Variants in AK9 observed in about 807,000 individuals in gnomAD.
AK9 encodes the protein adenylate kinase 9.
A neutral mutation model predicts 239.6 loss-of-function variants in AK9; 191 were observed. The observed-to-expected ratio is 0.80, with a 90% CI of 0.71 to 0.90. The LOEUF (loss-of-function observed/expected upper bound fraction) is 0.90, where lower values mean the gene tolerates loss of function less well. Ranked by LOEUF, AK9 falls within the 40% of genes least tolerant of loss-of-function variation. The pLI is 0.00. For missense variants in AK9, 1,995 were observed against 2,214.7 expected, an observed-to-expected ratio of 0.90 and a Z score of 1.99; for synonymous variants, 689 against 721.0, an observed-to-expected ratio of 0.96 and a Z score of 0.71.
In AK9 at chr6:109,585,192, A is replaced by G; in HGVS notation, c.2045T>C (p.Ile682Thr). 1 of 1,025,460 alleles carries G rather than the reference A, an allele frequency of 9.8e-7. No homozygotes were observed. The highest frequency in any genetic ancestry group is 1.3e-6 in the Non-Finnish European group (1 of 781,106). 63.5% of individuals were successfully genotyped at this position (1,025,460 alleles called of 1,614,324 possible). ...TAATCTTTCTAAAATCTTAGAGTCA[A>G]TTTCAGATTTCTTCTGTAAATATAT... The part of the protein sequence containing the change: ...NRIYLQKKSE[I>T]DSKILERLLE... Residue 682 changes from isoleucine (I) to threonine (T), a missense_variant, in exon 19 of 41, where the codon ATT (isoleucine) becomes ACT (threonine). Around this residue, in one of 5 missense-constraint regions of AK9, gnomAD observed 1,290 missense variants for 1,392.7 expected, o/e 0.93. Coordinates refer to ENST00000424296, the MANE Select transcript of AK9 (RefSeq NM_001145128.3).
At chr6:109,587,620 CTGAGT>C (rs1789680370) in intron 17 of AK9, among the ~76,000 whole-genome samples, 1 of 152,090 alleles carries the variant, frequency 6.6e-6, no homozygotes, top group African/African-American at 2.4e-5. Flanking sequence ...CTTTCTGTGT[CTGAGT>C]TGTTTCACTT....
At chr6:109,637,560 C>T (rs1290127320) in intron 10 of AK9, among the ~76,000 whole-genome samples, 1 of 152,012 alleles carries the variant, frequency 6.6e-6, no homozygotes, top group Non-Finnish European at 1.5e-5. Context: ...GTAGTCTCTG[C>T]CTTTGATGTC....
intron 20 of AK9, among the ~76,000 whole-genome samples, chr6:109,575,065 T>G (rs1251750681): frequency 6.6e-6 from 1 of 152,220 alleles, no homozygotes; most frequent in Non-Finnish European, 1.5e-5. Context: ...TCAGTAGTAT[T>G]CCATGGAATA....
At chr6:109,505,370 T>C (rs560561079) in intron 35 of AK9, among the ~76,000 whole-genome samples, 1 of 152,348 alleles carries the variant, frequency 6.6e-6, no homozygotes, top group South Asian at 2.1e-4. Context: ...TCACTCTTTT[T>C]AGAGATATCA....
intron 29 of AK9, among the ~76,000 whole-genome samples, chr6:109,521,595 C>A (rs1405362165): frequency 6.6e-6 from 1 of 151,946 alleles, no homozygotes; most frequent in African/African-American, 2.4e-5. Context: ...GAAATTGATT[C>A]TAAAAATTAA....
At chr6:109,648,809 T>G (rs923377455) in intron 8 of AK9, among the ~76,000 whole-genome samples, 1 of 152,180 alleles carries the variant, frequency 6.6e-6, no homozygotes, top group Non-Finnish European at 1.5e-5. Flanking sequence ...TTTAGACCAA[T>G]ATCCTTGATG....
At chr6:109,577,296 G>A (rs1389410321) in intron 20 of AK9, among the ~76,000 whole-genome samples, 2 of 152,112 alleles carry the variant, frequency 1.3e-5, no homozygotes, top group African/African-American at 4.8e-5. Context: ...CACATTTATT[G>A]ACTTGTGTAT....
intron 9 of AK9, 109 bp from the exon 10 acceptor site, chr6:109,641,725 C>T (rs1009463311): frequency 3.3e-5 from 30 of 896,860 alleles, no homozygotes; most frequent in Non-Finnish European, 2.9e-5. Flanking sequence ...GACTCTGGGT[C>T]GAATCCTTGC....
At chr6:109,547,527 C>G (rs1466823734) in intron 25 of AK9, among the ~76,000 whole-genome samples, 1 of 151,990 alleles carries the variant, frequency 6.6e-6, no homozygotes, top group Non-Finnish European at 1.5e-5. Context: ...CATCTTTCAC[C>G]TATACAGAAA....
At chr6:109,636,324 GTTCTCTTC>G (rs1796705023) in intron 10 of AK9, among the ~76,000 whole-genome samples, 1 of 151,990 alleles carries the variant, frequency 6.6e-6, no homozygotes, top group Non-Finnish European at 1.5e-5. Flanking sequence ...TAAACCAGTG[GTTCTCTTC>G]CTGAGCTGCA....
chr6:109,507,352 A>G (rs1778215932), intron 33 of AK9, among the ~76,000 whole-genome samples: 1 of 152,090 alleles, frequency 6.6e-6, no homozygotes, highest in Non-Finnish European at 1.5e-5. Context: ...TGGAAAAAAA[A>G]AAAGTGTGCT....
intron 9 of AK9, among the ~76,000 whole-genome samples, chr6:109,644,138 T>C (rs1346955837): frequency 6.6e-6 from 1 of 152,250 alleles, no homozygotes; most frequent in Admixed American, 6.5e-5. Context: ...AGACACTTAT[T>C]TGACATTTAA....
intron 17 of AK9, among the ~76,000 whole-genome samples, chr6:109,603,192 T>TCTTTGTG (rs1222225376): frequency 1.3e-5 from 2 of 152,166 alleles, no homozygotes; most frequent in Non-Finnish European, 2.9e-5. Context: ...TTTTTCCCCA[T>TCTTTGTG]CTTTGTGGTT....
rs780055380 is a variant in AK9 at position 109,529,070 on chromosome 6, C to T, written c.3574G>A (p.Asp1192Asn). Residue 1192 changes from aspartate to asparagine, a missense_variant, in exon 29 of 41, where the codon GAT becomes AAT. Around this residue, in one of 5 missense-constraint regions of AK9, gnomAD observed 1,290 missense variants for 1,392.7 expected, o/e 0.93. Transcript: ENST00000424296. Reference protein sequence around the residue: ...IKDMKAKIRVDTIAKRRAELI... With the variant: ...IKDMKAKIRVNTIAKRRAELI... The stretch of plus-strand genomic sequence containing the variant: ...TCAGCCCTTCTTTTAGCAATCGTAT[C>T]AACCTGTTAAAGAAAGAGACATTAA... 3 of 1,570,232 alleles carry T rather than the reference C, an allele frequency of 1.9e-6. No homozygotes were observed. Among genetic ancestry groups the T allele is most frequent in the Non-Finnish European group, 2.6e-6 (3 of 1,166,346 alleles).
At chr6:109,678,369 T>C (rs1017915488) in intron 1 of AK9, among the ~76,000 whole-genome samples, 3 of 152,104 alleles carry the variant, frequency 2.0e-5, no homozygotes, top group African/African-American at 7.2e-5. Context: ...GACAAAAATA[T>C]AGAAATAGAG....
In AK9 at chr6:109,533,783, C is replaced by T. The variant is rs561692054; in HGVS notation, c.3351-313G>A. On this transcript the variant is annotated intron_variant, in intron 27 of 40. Transcript: ENST00000424296. The stretch of plus-strand genomic sequence containing the variant: ...CAAGTTGGATTAAAATTATAATATT[C>T]CATACATATATTTATAATATAAAAT... Among the ~76,000 whole-genome samples the T allele has an allele frequency of 2.4e-4, 37 of 151,870 alleles. 2 individuals carry two copies. In the South Asian group the frequency reaches 7.3e-3, roughly 30 times the overall value.
chr6:109,612,342 T>C (rs1793675607), intron 15 of AK9, among the ~76,000 whole-genome samples: 1 of 152,202 alleles, frequency 6.6e-6, no homozygotes, highest in Admixed American at 6.5e-5. Context: ...CAATCAACAG[T>C]GCCCTTCCTG....
At chr6:109,536,090 C>A (rs1562369149) in intron 27 of AK9, among the ~76,000 whole-genome samples, 1 of 152,148 alleles carries the variant, frequency 6.6e-6, no homozygotes, top group Non-Finnish European at 1.5e-5. Flanking sequence ...GCAATGCAGG[C>A]TCTTTTTTGG....
intron 20 of AK9, among the ~76,000 whole-genome samples, chr6:109,575,938 TTTTG>T (rs1016975277): frequency 5.9e-5 from 9 of 152,220 alleles, no homozygotes; most frequent in East Asian, 1.9e-4. Flanking sequence ...CCATTTTATG[TTTTG>T]TTTGTTTGTT....
Sources: allele counts gnomAD v4.1 joint callset (sites outside exome capture counted in the v4.1 genomes callset), GRCh38; gene constraint gnomAD v4.1.1; regional missense constraint gnomAD v4.1.1; transcripts MANE v1.5; gene names NCBI Gene and HGNC (gene_info 2026-07-23, HGNC 2026-07-21).